The following CDH4 variants were observed in gnomAD, a reference collection of about 807,000 sequenced individuals.
CDH4 encodes the protein cadherin-4.
In CDH4, 33 loss-of-function variants were observed where a neutral mutation model predicts 86.0. The ratio of observed to expected loss-of-function variants is 0.38; its 90% CI spans 0.29 to 0.51. CDH4 has a LOEUF of 0.51. Ranked by LOEUF, CDH4 falls within the 20% of genes least tolerant of loss-of-function variation. The probability of loss-of-function intolerance (pLI) is 0.86; values close to 1 mark genes in which losing one functional copy is unlikely to be tolerated. For missense variants in CDH4, 1,114 were observed against 1,307.4 expected, an observed-to-expected ratio of 0.85 and a Z score of 2.28; for synonymous variants, 555 against 549.4, an observed-to-expected ratio of 1.01 and a Z score of -0.14.
At chr20:61,461,188 ATTTT>A (rs571338181) in intron 2 of CDH4, among the ~76,000 whole-genome samples, 30 of 151,798 alleles carry the variant, frequency 2.0e-4, no homozygotes, top group African/African-American at 6.5e-4. Context: ...CTAGGAAGCC[ATTTT>A]TTTTTAAAAA....
At chr20:61,845,686 T>A (rs1475409871) in intron 5 of CDH4, among the ~76,000 whole-genome samples, 1 of 143,368 alleles carries the variant, frequency 7.0e-6, no homozygotes, top group Non-Finnish European at 1.5e-5. Flanking sequence ...ATGGGGTTGT[T>A]CTGAGGACTC....
At chr20:61,537,493 G>A (rs1373116049) in intron 2 of CDH4, among the ~76,000 whole-genome samples, 1 of 152,162 alleles carries the variant, frequency 6.6e-6, no homozygotes, top group African/African-American at 2.4e-5. Flanking sequence ...CTCACAGCCA[G>A]GTGCCCTCAT....
intron 9 of CDH4, among the ~76,000 whole-genome samples, chr20:61,923,104 G>T (rs549393570): frequency 6.6e-6 from 1 of 152,348 alleles, no homozygotes; most frequent in Admixed American, 6.5e-5. Flanking sequence ...TAGGCTCAAA[G>T]GAGGAAGGTA....
At chr20:61,868,953 A>C (rs1600724222) in intron 6 of CDH4, among the ~76,000 whole-genome samples, 1 of 152,200 alleles carries the variant, frequency 6.6e-6, no homozygotes, top group African/African-American at 2.4e-5. Context: ...ACACACACAA[A>C]GCCTCTAGAC....
intron 2 of CDH4, among the ~76,000 whole-genome samples, chr20:61,459,098 C>A (rs765794925): frequency 6.6e-6 from 1 of 152,098 alleles, no homozygotes; most frequent in Non-Finnish European, 1.5e-5. Flanking sequence ...TCACACTGTG[C>A]CCTGGAGAGG....
At chr20:61,526,773 C>T (rs892298765) in intron 2 of CDH4, among the ~76,000 whole-genome samples, 1 of 151,192 alleles carries the variant, frequency 6.6e-6, no homozygotes. Flanking sequence ...GTCATGTTTC[C>T]GAACTTCCTA....
intron 15 of CDH4, among the ~76,000 whole-genome samples, chr20:61,934,484 C>T (rs2055155367): frequency 6.6e-6 from 1 of 152,218 alleles, no homozygotes; most frequent in Non-Finnish European, 1.5e-5. Context: ...GGGTGCACAG[C>T]AGGGGCTTCG....
intron 4 of CDH4, among the ~76,000 whole-genome samples, chr20:61,804,542 G>A (rs1341882827): frequency 6.6e-6 from 1 of 152,188 alleles, no homozygotes; most frequent in Non-Finnish European, 1.5e-5. Flanking sequence ...CCTTCCTCCT[G>A]AAGCCTCCAG....
intron 2 of CDH4, among the ~76,000 whole-genome samples, chr20:61,483,551 G>A (rs1178675497): frequency 6.6e-6 from 1 of 152,192 alleles, no homozygotes; most frequent in East Asian, 1.9e-4. Flanking sequence ...CGAGATGTTA[G>A]CAAACATACT....
intron 2 of CDH4, among the ~76,000 whole-genome samples, chr20:61,264,548 A>G (rs1296170016): frequency 3.2e-5 from 4 of 125,498 alleles, no homozygotes; most frequent in African/African-American, 6.4e-5. Flanking sequence ...CCTTCATTCA[A>G]TCTTATACAT....
At chr20:61,283,577 C>T (rs919717819) in intron 2 of CDH4, among the ~76,000 whole-genome samples, 2 of 145,878 alleles carry the variant, frequency 1.4e-5, no homozygotes, top group African/African-American at 2.5e-5. Flanking sequence ...TGCATTTGCA[C>T]GTGTGTGCTG....
intron 2 of CDH4, among the ~76,000 whole-genome samples, chr20:61,368,447 C>T (rs1336142497): frequency 6.6e-6 from 1 of 152,188 alleles, no homozygotes; most frequent in African/African-American, 2.4e-5. Context: ...AAGCCTGCAC[C>T]AGACACTGAA....
In CDH4 at chr20:61,377,567, C is replaced by T. The variant is rs942465451; in HGVS notation, c.169+122630C>T. The stretch of plus-strand genomic sequence containing the variant: ...CTTGTTAAATGAAACAAAACCATTG[C>T]ATGGTGCTTTTCTGTAGTCAACGAG... On this transcript the variant is annotated intron_variant, in intron 2 of 15. Coordinates refer to ENST00000614565, the MANE Select transcript of CDH4 (RefSeq NM_001794.5). The surrounding 1 kb of genome is among the most constrained non-coding windows in gnomAD (Gnocchi z 4.0). Among the ~76,000 whole-genome samples, 3 of 152,184 alleles carry T rather than the reference C, an allele frequency of 2.0e-5. No homozygotes were observed. The highest frequency in any genetic ancestry group is 1.9e-4 in the East Asian group (1 of 5,196).
At chr20:61,464,499 C>T (rs765603916) in intron 2 of CDH4, among the ~76,000 whole-genome samples, 5 of 152,188 alleles carry the variant, frequency 3.3e-5, no homozygotes, top group Non-Finnish European at 5.9e-5. Context: ...CCTCTGAGGG[C>T]CCTGCCTGCT....
intron 2 of CDH4, among the ~76,000 whole-genome samples, chr20:61,508,360 C>G (rs1433774241): frequency 6.6e-6 from 1 of 152,250 alleles, no homozygotes; most frequent in Non-Finnish European, 1.5e-5. Flanking sequence ...GGGGCCACTT[C>G]TCGTGTCTGT....
intron 2 of CDH4, among the ~76,000 whole-genome samples, chr20:61,361,210 G>T (rs942229032): frequency 1.3e-5 from 2 of 152,008 alleles, no homozygotes; most frequent in African/African-American, 4.8e-5. Context: ...TGGAGCTCAG[G>T]GCCCTCCCGT....
chr20:61,605,389 GTC>G (rs1568709146), intron 2 of CDH4, among the ~76,000 whole-genome samples: 3 of 151,548 alleles, frequency 2.0e-5, no homozygotes, highest in East Asian at 2.0e-4. Flanking sequence ...CTGTATCTCT[GTC>G]TCTCTGTCTC....
At chr20:61,647,976 G>T (rs2087083025) in intron 2 of CDH4, among the ~76,000 whole-genome samples, 1 of 152,180 alleles carries the variant, frequency 6.6e-6, no homozygotes. Flanking sequence ...ATGGACACAG[G>T]TTGGCCGGCA....
At chr20:61,500,612 G>A (rs1236831408) in intron 2 of CDH4, among the ~76,000 whole-genome samples, 3 of 151,440 alleles carry the variant, frequency 2.0e-5, no homozygotes, top group Admixed American at 6.6e-5. Flanking sequence ...TTCCTCTCAA[G>A]ACACAGAGAG....
Sources: allele counts gnomAD v4.1 joint callset (sites outside exome capture counted in the v4.1 genomes callset), GRCh38; gene constraint gnomAD v4.1.1; non-coding constraint Gnocchi (gnomAD v3.1); transcripts MANE v1.5; gene names NCBI Gene and HGNC (gene_info 2026-07-23, HGNC 2026-07-21).